Variants in TTLL5 observed in about 807,000 individuals in gnomAD.
TTLL5 encodes the protein tubulin tyrosine ligase like 5, also known as tubulin polyglutamylase TTLL5.
A neutral mutation model predicts 168.4 loss-of-function variants in TTLL5; 132 were observed. That is an observed-to-expected ratio of 0.78 (90% CI 0.68 to 0.91). The LOEUF is 0.91. Among genes scored for constraint, TTLL5 ranks in the 40% least tolerant of loss-of-function variants. TTLL5 has a pLI of 0.00. For missense variants in TTLL5, 1,545 were observed against 1,581.5 expected (o/e 0.98, Z 0.39); for synonymous variants, 546 against 558.6 (o/e 0.98, Z 0.32).
At chr14:75,674,723 T>A (rs537287203) in intron 3 of TTLL5, among the ~76,000 whole-genome samples, 78 of 152,252 alleles carry the variant, frequency 5.1e-4, no homozygotes, top group Admixed American at 4.8e-3. Flanking sequence ...CCTGAATGTG[T>A]TTATTTAGTA....
rs1894740356 is a variant in TTLL5 at position 75,820,095 on chromosome 14, G to A, written c.3260G>A (p.Gly1087Asp). The A allele has an allele frequency of 1.2e-6, 2 of 1,609,032 alleles. No individual in the cohort carries two copies. Among genetic ancestry groups the A allele is most frequent in the Non-Finnish European group, 1.7e-6 (2 of 1,177,994 alleles). Residue 1087 changes from glycine (G) to aspartate (D), a missense_variant, in exon 28 of 32, where the codon GGC (glycine) becomes GAC (aspartate). Physicochemically the swap from Gly to Asp is moderately conservative, Grantham distance 94. Transcript: ENST00000298832. ...PTLRPIISPS[G>D]PTWSTQSDPQ... is the part of the protein sequence containing the mutation. ...CTCCGACCCATCATCAGTCCTAGTG[G>A]CCCGACATGGTCTACACAGTCAGAC... is the stretch of plus-strand genomic sequence containing the variant.
At chr14:75,701,651 A>C (rs1364175450) in intron 7 of TTLL5, among the ~76,000 whole-genome samples, 1 of 152,170 alleles carries the variant, frequency 6.6e-6, no homozygotes, top group Non-Finnish European at 1.5e-5. Context: ...TACTGGTGAT[A>C]AGGTAGCCTC....
At chr14:75,703,077 T>C (rs987590590) in intron 7 of TTLL5, among the ~76,000 whole-genome samples, 1 of 152,192 alleles carries the variant, frequency 6.6e-6, no homozygotes, top group Non-Finnish European at 1.5e-5. Context: ...ATTAGCCAAC[T>C]GGATGAAGTA....
intron 21 of TTLL5, among the ~76,000 whole-genome samples, chr14:75,773,537 A>G (rs757833322): frequency 6.6e-6 from 1 of 152,192 alleles, no homozygotes; most frequent in Admixed American, 6.5e-5. Context: ...GGCTTTCTAC[A>G]AGAATATTGA....
At chr14:75,685,325 A>G (rs113181508) in intron 5 of TTLL5, among the ~76,000 whole-genome samples, 163 of 147,800 alleles carry the variant, frequency 1.1e-3, no homozygotes, top group African/African-American at 3.9e-3. Flanking sequence ...TCAGTGAGCT[A>G]TGATTGTGCC....
At chr14:75,934,721 T>A (rs762688399) in intron 31 of TTLL5, among the ~76,000 whole-genome samples, 1 of 152,066 alleles carries the variant, frequency 6.6e-6, no homozygotes, top group Non-Finnish European at 1.5e-5. Flanking sequence ...TGAAAAAAAA[T>A]TATAGCTTTC....
At chr14:75,713,909 C>CAAAA (rs1773596063) in intron 9 of TTLL5, among the ~76,000 whole-genome samples, 1 of 151,932 alleles carries the variant, frequency 6.6e-6, no homozygotes, top group African/African-American at 2.4e-5. Flanking sequence ...TTACCTTTTA[C>CAAAA]CCTATGTCTA....
At chr14:75,852,915 T>C (rs999050809) in intron 28 of TTLL5, among the ~76,000 whole-genome samples, 2 of 152,358 alleles carry the variant, frequency 1.3e-5, no homozygotes, top group East Asian at 1.9e-4. Context: ...TAAGATTTCT[T>C]AGTAGACTGT....
At chr14:75,947,432 C>T (rs2140210758) in intron 31 of TTLL5, among the ~76,000 whole-genome samples, 1 of 152,142 alleles carries the variant, frequency 6.6e-6, no homozygotes, top group East Asian at 1.9e-4. Context: ...AAAGGTTCAC[C>T]AAGAAAGTGC....
rs1884484432 is a variant in TTLL5, at chr14:75,680,043, T to C, written c.182-1502T>C. Among the ~76,000 whole-genome samples, 5 of 152,362 alleles carry C rather than the reference T, an allele frequency of 3.3e-5. No homozygotes were observed. In the South Asian group the frequency reaches 1.0e-3, roughly 32 times the overall value. On this transcript the variant is annotated intron_variant, in intron 3 of 31. Coordinates refer to ENST00000298832, the MANE Select transcript of TTLL5 (RefSeq NM_015072.5). ...TGAATATTGTTCTAGAGTCTGTCCATGAGTGTCTGTATCATTCAGAATTGT... is the reference window on the plus strand; with the variant it reads ...TGAATATTGTTCTAGAGTCTGTCCACGAGTGTCTGTATCATTCAGAATTGT...
At chr14:75,758,503 G>GA (rs1359909827) in intron 18 of TTLL5, among the ~76,000 whole-genome samples, 1 of 151,922 alleles carries the variant, frequency 6.6e-6, no homozygotes, top group African/African-American at 2.4e-5. Flanking sequence ...TGAGAAAAAA[G>GA]AAAAAAATCT....
At chr14:75,846,432 A>G (rs1896543163) in intron 28 of TTLL5, among the ~76,000 whole-genome samples, 1 of 152,208 alleles carries the variant, frequency 6.6e-6, no homozygotes, top group Admixed American at 6.5e-5. Flanking sequence ...TTTAAAAAGC[A>G]TATGGTTTAA....
chr14:75,920,445 T>C (rs10133007), intron 31 of TTLL5, among the ~76,000 whole-genome samples: 121,153 of 151,914 alleles, frequency 0.8, 48,499 homozygotes, highest in African/African-American at 0.85. Flanking sequence ...CCTCGACCCC[T>C]GTGTCCAAGT....
intron 26 of TTLL5, among the ~76,000 whole-genome samples, chr14:75,783,853 T>C (rs922882389): frequency 6.6e-6 from 1 of 152,218 alleles, no homozygotes; most frequent in Non-Finnish European, 1.5e-5. Flanking sequence ...ATATGCATTC[T>C]CTGTGCTTCA....
chr14:75,803,369 C>T (rs1595066645), intron 27 of TTLL5: 2 of 152,296 alleles, frequency 1.3e-5, no homozygotes, highest in South Asian at 4.1e-4. Context: ...AACAGAAGCT[C>T]ATATCCTGTG....
chr14:75,864,971 C>G (rs1233692377), intron 29 of TTLL5, among the ~76,000 whole-genome samples: 1 of 152,104 alleles, frequency 6.6e-6, no homozygotes, highest in African/African-American at 2.4e-5. Context: ...CATAGTTCAT[C>G]AATTGATCAT....
chr14:75,815,339 T>C (rs1486504132), intron 27 of TTLL5, among the ~76,000 whole-genome samples: 1 of 152,254 alleles, frequency 6.6e-6, no homozygotes, highest in African/African-American at 2.4e-5. Flanking sequence ...TAGTCTCTCA[T>C]TTAAGTAGCA....
At chr14:75,805,030 C>T (rs1013386422) in intron 27 of TTLL5, among the ~76,000 whole-genome samples, 1 of 152,192 alleles carries the variant, frequency 6.6e-6, no homozygotes, top group Non-Finnish European at 1.5e-5. Context: ...TAAAATAACA[C>T]ACCCTTGTTG....
intron 17 of TTLL5, 54 bp downstream of exon 17, chr14:75,745,635 T>TC: frequency 7.1e-7 from 1 of 1,413,592 alleles, no homozygotes; most frequent in Non-Finnish European, 1.0e-6. Flanking sequence ...TAGAATTAGA[T>TC]TAATTGTGAT....
Sources: gnomAD v4.1 joint callset for allele counts (sites outside exome capture counted in the v4.1 genomes callset) on GRCh38, gnomAD v4.1.1 for gene constraint, MANE v1.5 for transcripts, NCBI Gene and HGNC (gene_info 2026-07-23, HGNC 2026-07-21) for gene names.